The following PARD3 variants were observed in gnomAD, a reference collection of about 807,000 sequenced individuals.
PARD3 encodes par-3 family cell polarity regulator.
A neutral mutation model predicts 155.4 loss-of-function variants in PARD3; 75 were observed. The observed-to-expected ratio is 0.48, with a 90% CI of 0.40 to 0.58. The LOEUF (loss-of-function observed/expected upper bound fraction) is 0.58. Among genes scored for constraint, PARD3 ranks in the 20% least tolerant of loss-of-function variants. PARD3 has a pLI of 0.00. For missense variants in PARD3, 1,642 were observed against 1,721.7 expected (o/e 0.95, Z 0.82); for synonymous variants, 576 against 610.5 (o/e 0.94, Z 0.83).
intron 15 of PARD3, among the ~76,000 whole-genome samples, chr10:34,347,449 A>T (rs1219715117): frequency 7.6e-6 from 1 of 130,902 alleles, no homozygotes; most frequent in Non-Finnish European, 1.8e-5. Context: ...CTAAAGCTTC[A>T]GAAAAGTAAA....
Position 34,767,790 on chromosome 10 carries a change from G to A in PARD3, c.120+47086C>T, listed in dbSNP as rs569037606. On this transcript the variant is annotated intron_variant, in intron 1 of 24. Coordinates refer to ENST00000374788, the MANE Select transcript of PARD3 (RefSeq NM_001184785.2). ...ATATTTTTGTATTTTTAGTACAGACGGTAAAATACAAAAATATTGTCTGGA... is the reference window on the plus strand; with the variant it reads ...ATATTTTTGTATTTTTAGTACAGACAGTAAAATACAAAAATATTGTCTGGA... Among the ~76,000 whole-genome samples the A allele has an allele frequency of 4.4e-4, 67 of 151,766 alleles. No individual in the cohort carries two copies. The South Asian group carries it at 5.6e-3, about 13-fold the overall frequency.
At chr10:34,611,818 T>C in intron 2 of PARD3, among the ~76,000 whole-genome samples, 1 of 146,434 alleles carries the variant, frequency 6.8e-6, no homozygotes. Flanking sequence ...TTTTTTTTTT[T>C]TTTTTTTTTG....
intron 3 of PARD3, among the ~76,000 whole-genome samples, chr10:34,508,850 T>C (rs917501621): frequency 1.3e-5 from 2 of 152,180 alleles, no homozygotes; most frequent in African/African-American, 4.8e-5. Context: ...TCAGGAGACA[T>C]GATCGCGCAC....
Position 34,336,254 on chromosome 10 carries a change from G to A in PARD3, c.2561-11C>T. ...TAGTCTCGTCAGCTACTGTTAAAAGGTAAATGTATAATAGTTAGCCCAGTT... is the reference window on the plus strand; with the variant it reads ...TAGTCTCGTCAGCTACTGTTAAAAGATAAATGTATAATAGTTAGCCCAGTT... On this transcript the variant is annotated splice_polypyrimidine_tract_variant and intron_variant, in intron 17 of 24. Coordinates refer to ENST00000374788, the MANE Select transcript of PARD3 (RefSeq NM_001184785.2). 6.2e-7 allele frequency: 1 copy of A among 1,608,032 alleles called. No homozygotes were observed. Among genetic ancestry groups the A allele is most frequent in the Non-Finnish European group, 8.5e-7 (1 of 1,174,962 alleles).
intron 2 of PARD3, among the ~76,000 whole-genome samples, chr10:34,689,802 C>T (rs895607056): frequency 3.9e-5 from 6 of 152,238 alleles, no homozygotes; most frequent in South Asian, 2.1e-4. Context: ...TTGCCTTTTG[C>T]TTGGTTTTGT....
chr10:34,782,217 C>A (rs893476513), intron 1 of PARD3, among the ~76,000 whole-genome samples: 2 of 152,160 alleles, frequency 1.3e-5, no homozygotes, highest in Non-Finnish European at 2.9e-5. Flanking sequence ...CAGCATGTAA[C>A]CTGAACACAT....
At chr10:34,615,469 T>A (rs1057331434) in intron 2 of PARD3, among the ~76,000 whole-genome samples, 7 of 152,108 alleles carry the variant, frequency 4.6e-5, no homozygotes, top group African/African-American at 1.7e-4. Flanking sequence ...CTCTAATGGA[T>A]TAAAGACTTA....
intron 1 of PARD3, among the ~76,000 whole-genome samples, chr10:34,729,672 T>C (rs2094782553): frequency 6.6e-6 from 1 of 152,162 alleles, no homozygotes; most frequent in Non-Finnish European, 1.5e-5. Flanking sequence ...TCTCCTACAG[T>C]AAATGAACCT....
chr10:34,552,538 T>C (rs1045038408), intron 2 of PARD3, among the ~76,000 whole-genome samples: 1 of 152,154 alleles, frequency 6.6e-6, no homozygotes, highest in Non-Finnish European at 1.5e-5. Flanking sequence ...TGAAACACCA[T>C]CTCTACTAAA....
chr10:34,113,536 C>T (rs1946505055), intron 24 of PARD3, among the ~76,000 whole-genome samples: 1 of 151,804 alleles, frequency 6.6e-6, no homozygotes, highest in Non-Finnish European at 1.5e-5. Flanking sequence ...GACACACACA[C>T]ACATGCGCAC....
chr10:34,630,987 T>C (rs1414423698), intron 2 of PARD3, among the ~76,000 whole-genome samples: 3 of 152,110 alleles, frequency 2.0e-5, no homozygotes, highest in African/African-American at 4.8e-5. Flanking sequence ...GATAACTGTT[T>C]AATTTTTTTG....
At chr10:34,476,917 G>A (rs969295547) in intron 3 of PARD3, among the ~76,000 whole-genome samples, 1 of 152,136 alleles carries the variant, frequency 6.6e-6, no homozygotes, top group African/African-American at 2.4e-5. Context: ...ATATAAATAT[G>A]TGGCCTTATC....
At chr10:34,599,679 G>T (rs950501844) in intron 2 of PARD3, among the ~76,000 whole-genome samples, 2 of 152,076 alleles carry the variant, frequency 1.3e-5, no homozygotes, top group Admixed American at 6.6e-5. Context: ...TTCATAATTC[G>T]AATGACCTTA....
At chr10:34,134,394 C>A (rs1014776467) in intron 22 of PARD3, among the ~76,000 whole-genome samples, 1 of 152,160 alleles carries the variant, frequency 6.6e-6, no homozygotes, top group East Asian at 1.9e-4. Context: ...TATTTTCATG[C>A]AGCACAGAGA....
At chr10:34,220,909 A>G (rs1463034142) in intron 22 of PARD3, among the ~76,000 whole-genome samples, 1 of 152,020 alleles carries the variant, frequency 6.6e-6, no homozygotes, top group African/African-American at 2.4e-5. Context: ...GCAGCGGGAG[A>G]GCTATTGAAT....
chr10:34,500,778 A>C (rs2080641770), intron 3 of PARD3, among the ~76,000 whole-genome samples: 1 of 152,194 alleles, frequency 6.6e-6, no homozygotes, highest in Non-Finnish European at 1.5e-5. Context: ...TAAAATGAAT[A>C]CAGTAACGTA....
rs1041868075 is a variant in PARD3, at chr10:34,470,168, T to C, written c.499A>G (p.Arg167Gly). Residue 167 changes from arginine (R) to glycine (G), a missense_variant, in exon 4 of 25, where the codon AGG becomes GGG. Physicochemically the swap from Arg to Gly is moderately radical, Grantham distance 125. Coordinates refer to ENST00000374788, the MANE Select transcript of PARD3 (RefSeq NM_001184785.2). ...DSNFSSEEPS[R>G]KNPTRWSTTA... ...GTTGACCAGCGTGTGGGATTTTTCC[T>C]TGAAGGCTCTTCAGAGGAAAAATTA... 2 of 1,613,378 alleles carry C rather than the reference T, an allele frequency of 1.2e-6. No individual in the cohort carries two copies. Among genetic ancestry groups the C allele is most frequent in the African/African-American group, 2.7e-5 (2 of 74,886 alleles).
intron 2 of PARD3, among the ~76,000 whole-genome samples, chr10:34,552,989 C>T (rs979597595): frequency 6.6e-6 from 1 of 152,164 alleles, no homozygotes; most frequent in East Asian, 1.9e-4. Context: ...TTAGATGAAG[C>T]AGCCACTTCA....
At chr10:34,213,522 C>G (rs1017403029) in intron 22 of PARD3, among the ~76,000 whole-genome samples, 1 of 152,234 alleles carries the variant, frequency 6.6e-6, no homozygotes, top group Non-Finnish European at 1.5e-5. Context: ...ATTCTCACTT[C>G]TTACATTCCA....
Sources: gnomAD v4.1 joint callset for allele counts (sites outside exome capture counted in the v4.1 genomes callset) on GRCh38, gnomAD v4.1.1 for gene constraint, MANE v1.5 for transcripts, NCBI Gene and HGNC (gene_info 2026-07-23, HGNC 2026-07-21) for gene names.